The following DIAPH3 variants were observed in gnomAD, a reference collection of about 807,000 sequenced individuals.
The protein encoded by DIAPH3 is protein diaphanous homolog 3.
A neutral mutation model predicts 144.3 loss-of-function variants in DIAPH3; 117 were observed. The ratio of observed to expected loss-of-function variants is 0.81; its 90% CI spans 0.70 to 0.95. The LOEUF is 0.95. DIAPH3 is among the 40% of genes least tolerant of loss of function. The pLI, the probability that DIAPH3 is intolerant of heterozygous loss-of-function variation, is 0.00. For missense variants in DIAPH3, 1,421 were observed against 1,412.7 expected (o/e 1.01, Z -0.09); for synonymous variants, 519 against 488.9 (o/e 1.06, Z -0.81).
chr13:59,884,938 T>A (rs1470580384), intron 20 of DIAPH3, among the ~76,000 whole-genome samples: 1 of 152,190 alleles, frequency 6.6e-6, no homozygotes, highest in Non-Finnish European at 1.5e-5. Context: ...ATGGTATAAT[T>A]TTTACATATT....
At chr13:59,968,727 A>G (rs747105637) in intron 17 of DIAPH3, among the ~76,000 whole-genome samples, 6 of 152,208 alleles carry the variant, frequency 3.9e-5, no homozygotes, top group Non-Finnish European at 4.4e-5. Context: ...TTAATTTACA[A>G]TTACCTTTTA....
chr13:60,079,540 A>G (rs1470345370), intron 4 of DIAPH3, among the ~76,000 whole-genome samples: 1 of 151,994 alleles, frequency 6.6e-6, no homozygotes, highest in Non-Finnish European at 1.5e-5. Context: ...CACATTATAA[A>G]TACCATATAC....
intron 27 of DIAPH3, among the ~76,000 whole-genome samples, chr13:59,732,609 T>A (rs1291604695): frequency 6.6e-6 from 1 of 151,548 alleles, no homozygotes; most frequent in Non-Finnish European, 1.5e-5. Context: ...GGCCTGCTAG[T>A]TTTTTGTATT....
chr13:59,787,867 T>G (rs2039119065), intron 25 of DIAPH3, among the ~76,000 whole-genome samples: 1 of 152,190 alleles, frequency 6.6e-6, no homozygotes, highest in Non-Finnish European at 1.5e-5. Flanking sequence ...TTAATGAGAT[T>G]AGTGCTTTTA....
rs141505325 is a variant in DIAPH3, at chr13:59,719,664, G to A, written c.3320-52818C>T. Among the ~76,000 whole-genome samples the A allele has an allele frequency of 1.9e-3, 294 of 152,202 alleles. 5 individuals are homozygous for A. The East Asian group carries it at 0.024, about 12-fold the overall frequency. ...TCTATACCTCTCCTTCTTGGTGTTG[G>A]AGAAAGCTCTTTAAAGAGCCATGCT... On this transcript the variant is annotated intron_variant, in intron 27 of 27. Transcript: ENST00000400324.
intron 17 of DIAPH3, among the ~76,000 whole-genome samples, chr13:59,934,917 C>T (rs1271284567): frequency 6.6e-6 from 1 of 152,144 alleles, no homozygotes; most frequent in Admixed American, 6.5e-5. Flanking sequence ...TGTACATGTT[C>T]ACCAGGACAG....
intron 22 of DIAPH3, among the ~76,000 whole-genome samples, chr13:59,840,136 A>G (rs1271471879): frequency 1.3e-5 from 2 of 152,178 alleles, no homozygotes; most frequent in African/African-American, 4.8e-5. Context: ...AAATCTTTTC[A>G]TAGTCAATTT....
rs56267083 is a variant in DIAPH3, at chr13:60,125,394, A to ATTTTT, written c.213+7558_213+7562dup. 8.1e-4 allele frequency among the ~76,000 whole-genome samples: 79 copies of ATTTTT among 97,860 alleles called. 2 individuals carry two copies. Among genetic ancestry groups the ATTTTT allele is most frequent in the Middle Eastern group, 5.9e-3 (1 of 170 alleles). The allele number at this position is 97,860 out of a possible 152,430, so 64.2% of individuals were successfully genotyped here. On this transcript the variant is annotated intron_variant, in intron 2 of 27. Transcript: ENST00000400324. ...ATCTGCATACCATCACACCCAGCTAATTTTTTTTTTTTTTTTTTTTTTTTT... is the reference window on the plus strand; with the variant it reads ...ATCTGCATACCATCACACCCAGCTAATTTTTTTTTTTTTTTTTTTTTTTTTTTTTT...
intron 21 of DIAPH3, among the ~76,000 whole-genome samples, chr13:59,868,629 T>C (rs1270356603): frequency 6.6e-6 from 1 of 152,168 alleles, no homozygotes; most frequent in African/African-American, 2.4e-5. Context: ...CTATGTGTCT[T>C]GATAAACTCA....
At chr13:60,100,183 A>C (rs2058231018) in intron 3 of DIAPH3, among the ~76,000 whole-genome samples, 1 of 152,206 alleles carries the variant, frequency 6.6e-6, no homozygotes, top group African/African-American at 2.4e-5. Context: ...ATGCCACCTT[A>C]ACAAAGTTGT....
At chr13:59,746,151 T>C (rs1464970058) in intron 27 of DIAPH3, among the ~76,000 whole-genome samples, 1 of 152,194 alleles carries the variant, frequency 6.6e-6, no homozygotes, top group South Asian at 2.1e-4. Context: ...GCTTTAAAAA[T>C]ATTTTATTTT....
At chr13:59,772,653 G>C (rs1400357103) in intron 27 of DIAPH3, among the ~76,000 whole-genome samples, 1 of 151,958 alleles carries the variant, frequency 6.6e-6, no homozygotes, top group Non-Finnish European at 1.5e-5. Flanking sequence ...CAAGACCAGT[G>C]TACAAAGTTA....
In DIAPH3 at chr13:59,974,459, G is replaced by A. The variant is rs2050560180; in HGVS notation, c.1546-3C>T. On this transcript the variant is annotated splice_polypyrimidine_tract_variant and splice_region_variant and intron_variant, in intron 14 of 27. Coordinates refer to ENST00000400324, the MANE Select transcript of DIAPH3 (RefSeq NM_001042517.2). ...TGGTCGGTAAACTCTTTTTCAAACT[G>A]AAACAAATTAAAAATAATAACAAAA... The A allele has an allele frequency of 1.2e-6, 2 of 1,604,926 alleles. No homozygotes were observed. The highest frequency in any genetic ancestry group is 2.2e-5 in the East Asian group (1 of 44,724).
intron 24 of DIAPH3, among the ~76,000 whole-genome samples, chr13:59,817,175 T>C (rs2040821833): frequency 6.6e-6 from 1 of 151,920 alleles, no homozygotes; most frequent in Non-Finnish European, 1.5e-5. Context: ...AAAAAATGTG[T>C]ATTCTTTAAT....
chr13:60,077,000 T>C (rs2057402593), intron 4 of DIAPH3, among the ~76,000 whole-genome samples: 1 of 152,050 alleles, frequency 6.6e-6, no homozygotes, highest in African/African-American at 2.4e-5. Flanking sequence ...AGCAATAAAA[T>C]AGTAACAAAT....
chr13:60,131,455 A>C (rs928095779), intron 2 of DIAPH3, among the ~76,000 whole-genome samples: 3 of 151,002 alleles, frequency 2.0e-5, no homozygotes, highest in African/African-American at 7.3e-5. Context: ...AAAAAAAAAA[A>C]AAAAACAAAT....
chr13:59,776,250 C>A (rs1221035200), intron 25 of DIAPH3, among the ~76,000 whole-genome samples: 1 of 152,054 alleles, frequency 6.6e-6, no homozygotes, highest in Non-Finnish European at 1.5e-5. Flanking sequence ...TTTCCATCTG[C>A]TGCTATTTCA....
chr13:59,748,791 T>C (rs2036832497), intron 27 of DIAPH3, among the ~76,000 whole-genome samples: 1 of 152,196 alleles, frequency 6.6e-6, no homozygotes. Flanking sequence ...CTAAGCATTT[T>C]ATATTAGAGG....
intron 2 of DIAPH3, among the ~76,000 whole-genome samples, chr13:60,123,075 T>G (rs1292089330): frequency 4.6e-5 from 7 of 152,120 alleles, no homozygotes; most frequent in Non-Finnish European, 8.8e-5. Context: ...CTGACATGCT[T>G]CCACTACGAA....
Sources: allele counts gnomAD v4.1 joint callset (sites outside exome capture counted in the v4.1 genomes callset), GRCh38; gene constraint gnomAD v4.1.1; transcripts MANE v1.5; gene names NCBI Gene and HGNC (gene_info 2026-07-23, HGNC 2026-07-21).